Variants in MMS22L observed in about 807,000 individuals in gnomAD.
MMS22L encodes protein MMS22-like.
In MMS22L, 74 loss-of-function variants were observed where a neutral mutation model predicts 159.1. That is an observed-to-expected ratio of 0.47 (90% CI 0.39 to 0.56). MMS22L has a LOEUF of 0.56. MMS22L is among the 20% of genes least tolerant of loss of function. MMS22L has a pLI of 0.00. For synonymous variants in MMS22L, 517 were observed against 506.9 expected (o/e 1.02, Z -0.27); for missense variants, 1,351 against 1,422.1 (o/e 0.95, Z 0.80).
chr6:97,276,555 A>C (rs1582875887), intron 4 of MMS22L, among the ~76,000 whole-genome samples: 1 of 152,218 alleles, frequency 6.6e-6, no homozygotes, highest in Non-Finnish European at 1.5e-5. Context: ...CTCTGCTTTT[A>C]TCCCTTCCAA....
intron 14 of MMS22L, among the ~76,000 whole-genome samples, chr6:97,213,007 G>A (rs774828467): frequency 6.6e-6 from 1 of 152,172 alleles, no homozygotes; most frequent in Non-Finnish European, 1.5e-5. Context: ...TGAAGTTTGA[G>A]ATATTACACA....
At chr6:97,241,742 T>C (rs1246729591) in intron 11 of MMS22L, among the ~76,000 whole-genome samples, 2 of 152,232 alleles carry the variant, frequency 1.3e-5, no homozygotes, top group African/African-American at 2.4e-5. Context: ...AGGCATTTAA[T>C]GCTATGAACT....
chr6:97,248,786 G>GTTGA (rs1471755325), intron 10 of MMS22L, among the ~76,000 whole-genome samples: 2 of 151,992 alleles, frequency 1.3e-5, no homozygotes, highest in African/African-American at 4.8e-5. Flanking sequence ...TTGAACCCAG[G>GTTGA]AGGCAGAGGT....
intron 22 of MMS22L, among the ~76,000 whole-genome samples, chr6:97,153,369 T>C: frequency 1.2e-5 from 1 of 80,344 alleles, no homozygotes; most frequent in South Asian, 5.4e-4. Flanking sequence ...CAGATCTTTT[T>C]TTTTTTTTTT....
At chr6:97,147,249 G>A (rs1020353452) in intron 24 of MMS22L, among the ~76,000 whole-genome samples, 6 of 152,142 alleles carry the variant, frequency 3.9e-5, no homozygotes, top group African/African-American at 1.4e-4. Flanking sequence ...ACAAGCGTAA[G>A]TATTAAAACA....
chr6:97,153,135 C>A (rs541822959), intron 22 of MMS22L, among the ~76,000 whole-genome samples: 1 of 152,090 alleles, frequency 6.6e-6, no homozygotes, highest in East Asian at 1.9e-4. Flanking sequence ...AGCCACCACA[C>A]CTGGCCTTTT....
At chr6:97,250,946 C>T (rs1466131958) in intron 10 of MMS22L, among the ~76,000 whole-genome samples, 4 of 152,004 alleles carry the variant, frequency 2.6e-5, no homozygotes, top group South Asian at 2.1e-4. Flanking sequence ...ATTGTAGTTG[C>T]TTATGTTAAT....
chr6:97,223,944 G>A (rs1014587535), intron 14 of MMS22L, among the ~76,000 whole-genome samples: 3 of 152,094 alleles, frequency 2.0e-5, no homozygotes, highest in African/African-American at 7.2e-5. Context: ...CCTTATACTT[G>A]TATCTGTTAA....
At chr6:97,270,803 G>A (rs758271676) in intron 6 of MMS22L, 1 of 152,038 alleles carries the variant, frequency 6.6e-6, no homozygotes, top group Non-Finnish European at 1.5e-5. Flanking sequence ...GGAAAAGTAT[G>A]GGTCATTCAA....
intron 4 of MMS22L, among the ~76,000 whole-genome samples, chr6:97,274,411 T>C (rs1816052713): frequency 6.6e-6 from 1 of 152,108 alleles, no homozygotes; most frequent in Non-Finnish European, 1.5e-5. Context: ...ATAACTGCAG[T>C]GAACATCTGC....
intron 6 of MMS22L, chr6:97,272,294 A>C (rs1815825219): frequency 6.5e-6 from 1 of 153,908 alleles, no homozygotes; most frequent in South Asian, 2.0e-4. Context: ...TGTGGTCTTG[A>C]AAGTTTTTTT....
rs180788064 is a variant in MMS22L at position 97,233,259 on chromosome 6, T to C, written c.1302+602A>G. ...GCCTATAATTCAGAACTATTTAACATGGTAGGAACAGACCATGCTTTTTCA... is the reference window on the plus strand; with the variant it reads ...GCCTATAATTCAGAACTATTTAACACGGTAGGAACAGACCATGCTTTTTCA... On this transcript the variant is annotated intron_variant, in intron 12 of 24. Coordinates refer to ENST00000683635, the MANE Select transcript of MMS22L (RefSeq NM_001350599.2). Among the ~76,000 whole-genome samples, 658 of 152,258 alleles carry C rather than the reference T, an allele frequency of 4.3e-3. 3 individuals carry two copies. The highest frequency in any genetic ancestry group is 0.015 in the African/African-American group (611 of 41,564).
chr6:97,269,936 C>T lies in MMS22L; in HGVS notation c.663G>A (p.Val221=), dbSNP rs1425646256. 6.2e-7 allele frequency: 1 copy of T among 1,611,554 alleles called. No individual in the cohort carries two copies. Residue 221 remains valine, a synonymous_variant, in exon 7 of 25, where the codon GTG becomes GTA. Coordinates refer to ENST00000683635, the MANE Select transcript of MMS22L (RefSeq NM_001350599.2). ...CACCCAGCATGTAAAGAATTTCTAG[C>T]ACCAGCCAATGTATATCCAAGTGGA... The part of the protein sequence containing the change: ...LHLHLDIHWL[V]LEILYMLGEK...
chr6:97,229,134 C>T lies in MMS22L; in HGVS notation c.1799G>A (p.Arg600Gln), dbSNP rs200101629. Reference sequence around the variant, plus strand: ...CACCAAGAATTCCTTTGCTTTCTCCCGGAAAGCACATGAAAATTTCTCAGC... The same window carrying T: ...CACCAAGAATTCCTTTGCTTTCTCCTGGAAAGCACATGAAAATTTCTCAGC... ...VLAEKFSCAF[R>Q]EKAKEFLVSK... The change falls in exon 14 of 25, where the codon CGG (arginine) becomes CAG (glutamine). Residue 600 changes from arginine to glutamine, a missense_variant. Coordinates refer to ENST00000683635, the MANE Select transcript of MMS22L (RefSeq NM_001350599.2). 1.5e-4 allele frequency: 242 copies of T among 1,614,074 alleles called. 1 individual carries two copies. Among genetic ancestry groups the T allele is most frequent in the Non-Finnish European group, 1.9e-4 (226 of 1,180,004 alleles).
intron 9 of MMS22L, chr6:97,261,399 G>C (rs1562518204): frequency 6.6e-6 from 1 of 152,388 alleles, no homozygotes; most frequent in Non-Finnish European, 1.5e-5. Flanking sequence ...CTCCTCCTTA[G>C]CCTACTCAAC....
chr6:97,187,118 A>G (rs1370282382), intron 14 of MMS22L, among the ~76,000 whole-genome samples: 1 of 152,168 alleles, frequency 6.6e-6, no homozygotes, highest in Non-Finnish European at 1.5e-5. Context: ...GGTATTTTAA[A>G]TTAAAATACT....
chr6:97,167,349 C>G (rs2128248917), intron 20 of MMS22L, among the ~76,000 whole-genome samples: 1 of 152,230 alleles, frequency 6.6e-6, no homozygotes, highest in South Asian at 2.1e-4. Flanking sequence ...TCACAGCTCC[C>G]AAATGTTTTT....
chr6:97,158,293 GGTT>G (rs1242227659), intron 22 of MMS22L, among the ~76,000 whole-genome samples: 2 of 151,928 alleles, frequency 1.3e-5, no homozygotes, highest in Non-Finnish European at 2.9e-5. Flanking sequence ...TTTTTTTGAA[GGTT>G]TTTTTGTGTC....
intron 14 of MMS22L, among the ~76,000 whole-genome samples, chr6:97,221,006 C>G (rs1809581446): frequency 6.7e-6 from 1 of 148,244 alleles, no homozygotes; most frequent in Non-Finnish European, 1.5e-5. Context: ...ACACACACGT[C>G]CATTGATGTT....
Sources: allele counts gnomAD v4.1 joint callset (sites outside exome capture counted in the v4.1 genomes callset), GRCh38; gene constraint gnomAD v4.1.1; transcripts MANE v1.5; gene names NCBI Gene and HGNC (gene_info 2026-07-23, HGNC 2026-07-21).